RASAL2: variants seen among roughly 807,000 people sequenced by gnomAD.
The protein encoded by RASAL2 is RAS protein activator like 2, also known as ras GTPase-activating protein nGAP.
A neutral mutation model predicts 128.9 loss-of-function variants in RASAL2; 58 were observed. The observed-to-expected ratio is 0.45, with a 90% CI of 0.36 to 0.56. The LOEUF (loss-of-function observed/expected upper bound fraction) is 0.56. Among genes scored for constraint, RASAL2 ranks in the 20% least tolerant of loss-of-function variants. The probability of loss-of-function intolerance (pLI) is 0.00; values close to 1 mark genes in which losing one functional copy is unlikely to be tolerated. For synonymous variants in RASAL2, 561 were observed against 580.8 expected, an observed-to-expected ratio of 0.97 and a Z score of 0.49; for missense variants, 1,360 against 1,601.6, an observed-to-expected ratio of 0.85 and a Z score of 2.57.
rs77584035 is a variant in RASAL2, at chr1:178,111,639, A to G, written c.202+16945A>G. On this transcript the variant is annotated intron_variant, in intron 1 of 17. Transcript: ENST00000367649. ...TGCAGTGATAGCCATTGTGGTTTCA[A>G]TTTATTCAATGACTAATAATGTTGA... is the stretch of plus-strand genomic sequence containing the variant. Among the ~76,000 whole-genome samples the G allele has an allele frequency of 5.4e-3, 815 of 152,294 alleles. 6 individuals are homozygous for G. The highest frequency in any genetic ancestry group is 0.018 in the African/African-American group (749 of 41,548).
intron 1 of RASAL2, among the ~76,000 whole-genome samples, chr1:178,261,077 T>C (rs1237412802): frequency 6.6e-6 from 1 of 152,244 alleles, no homozygotes; most frequent in African/African-American, 2.4e-5. Flanking sequence ...AGCTCCTTGC[T>C]GCTGCCATCA....
intron 1 of RASAL2, among the ~76,000 whole-genome samples, chr1:178,253,929 GA>G (rs2102097490): frequency 6.6e-6 from 1 of 152,328 alleles, no homozygotes; most frequent in East Asian, 1.9e-4. Context: ...CTTGTAGCCA[GA>G]ATGATCTTTC....
At chr1:178,378,645 C>T (rs1400957440) in intron 3 of RASAL2, among the ~76,000 whole-genome samples, 1 of 151,998 alleles carries the variant, frequency 6.6e-6, no homozygotes, top group Non-Finnish European at 1.5e-5. Context: ...CTGTAAAAAC[C>T]TTTATTTTTG....
chr1:178,310,571 T>TA (rs1475984773), intron 3 of RASAL2, among the ~76,000 whole-genome samples: 7 of 152,210 alleles, frequency 4.6e-5, no homozygotes, highest in Non-Finnish European at 1.0e-4. Flanking sequence ...AGATTTTGAT[T>TA]AGCAGTAACA....
At chr1:178,416,156 C>G (rs1383983196) in intron 4 of RASAL2, among the ~76,000 whole-genome samples, 1 of 152,008 alleles carries the variant, frequency 6.6e-6, no homozygotes, top group African/African-American at 2.4e-5. Flanking sequence ...TGTTTATAAC[C>G]TTTCGTGATT....
At chr1:178,401,587 G>T (rs549151778) in intron 4 of RASAL2, among the ~76,000 whole-genome samples, 1 of 152,120 alleles carries the variant, frequency 6.6e-6, no homozygotes, top group East Asian at 1.9e-4. Flanking sequence ...GCCGTAGTGC[G>T]GATGATTGTT....
intron 4 of RASAL2, among the ~76,000 whole-genome samples, chr1:178,403,929 T>C (rs533145751): frequency 2.6e-5 from 4 of 152,124 alleles, no homozygotes; most frequent in East Asian, 3.9e-4. Context: ...ATTTACAACA[T>C]GTAGGAAACT....
intron 1 of RASAL2, among the ~76,000 whole-genome samples, chr1:178,278,384 C>T (rs1406408340): frequency 6.6e-6 from 1 of 152,086 alleles, no homozygotes; most frequent in Non-Finnish European, 1.5e-5. Context: ...GTCTAAGTTC[C>T]CTTATTTGTG....
At chr1:178,211,618 T>G (rs192642338) in intron 1 of RASAL2, among the ~76,000 whole-genome samples, 54 of 152,308 alleles carry the variant, frequency 3.5e-4, no homozygotes, top group African/African-American at 1.3e-3. Flanking sequence ...TTGCCCATGC[T>G]GTTCTCTTTG....
chr1:178,288,279 A>G (rs898885461), intron 2 of RASAL2, among the ~76,000 whole-genome samples: 6 of 152,172 alleles, frequency 3.9e-5, no homozygotes, highest in Admixed American at 6.5e-5. Flanking sequence ...AATTTCTAAG[A>G]AGATGTTTTT....
In RASAL2 at chr1:178,268,766, A is replaced by G. The variant is rs374455507; in HGVS notation, c.203-14798A>G. Among the ~76,000 whole-genome samples the G allele has an allele frequency of 3.3e-5, 5 of 152,180 alleles. No individual in the cohort carries two copies. The East Asian group carries it at 5.8e-4, about 18-fold the overall frequency. On this transcript the variant is annotated intron_variant, in intron 1 of 17. Transcript: ENST00000367649. ...GCACCACGGCTCCTGGCTTCCTTCA[A>G]TAGTTTTTAAAGATGGCACATAGGC...
At chr1:178,318,241 G>A (rs1223338939) in intron 3 of RASAL2, among the ~76,000 whole-genome samples, 1 of 148,710 alleles carries the variant, frequency 6.7e-6, no homozygotes, top group African/African-American at 2.5e-5. Context: ...AATAGGTGTG[G>A]TGTGGTGCTG....
At chr1:178,233,142 C>T (rs1664080059) in intron 1 of RASAL2, among the ~76,000 whole-genome samples, 1 of 152,182 alleles carries the variant, frequency 6.6e-6, no homozygotes, top group Admixed American at 6.5e-5. Flanking sequence ...TAAGCAGCAA[C>T]ATCTGCTGTG....
chr1:178,359,508 T>A (rs1472157646), intron 3 of RASAL2, among the ~76,000 whole-genome samples: 1 of 152,236 alleles, frequency 6.6e-6, no homozygotes, highest in Admixed American at 6.5e-5. Context: ...ACCGACCTTG[T>A]GCTCATCTTT....
intron 1 of RASAL2, among the ~76,000 whole-genome samples, chr1:178,103,795 T>C (rs1187014909): frequency 6.6e-6 from 1 of 152,098 alleles, no homozygotes; most frequent in Non-Finnish European, 1.5e-5. Context: ...TCTGCAACAG[T>C]TGCCAGTATT....
intron 1 of RASAL2, among the ~76,000 whole-genome samples, chr1:178,243,355 G>A (rs1664605622): frequency 6.6e-6 from 1 of 152,064 alleles, no homozygotes. Context: ...GGCCCATTGG[G>A]GAAAATGAGG....
chr1:178,450,288 A>C (rs754611329), intron 9 of RASAL2, among the ~76,000 whole-genome samples: 2 of 152,206 alleles, frequency 1.3e-5, no homozygotes, highest in Non-Finnish European at 2.9e-5. Flanking sequence ...GATGATTGCT[A>C]TTAACACTGT....
At chr1:178,395,197 T>C (rs1195381065) in intron 4 of RASAL2, among the ~76,000 whole-genome samples, 1 of 152,172 alleles carries the variant, frequency 6.6e-6, no homozygotes, top group Non-Finnish European at 1.5e-5. Flanking sequence ...CTCAGACCAG[T>C]TAAATCAAAA....
chr1:178,398,413 T>C (rs148368760), intron 4 of RASAL2, among the ~76,000 whole-genome samples: 76 of 152,324 alleles, frequency 5.0e-4, no homozygotes, highest in African/African-American at 1.3e-3. Flanking sequence ...TGTTTGACCT[T>C]TTGTATTTTT....
Sources: allele counts gnomAD v4.1 joint callset (sites outside exome capture counted in the v4.1 genomes callset), GRCh38; gene constraint gnomAD v4.1.1; transcripts MANE v1.5; gene names NCBI Gene and HGNC (gene_info 2026-07-23, HGNC 2026-07-21).